Variants in MAD1L1 observed in about 807,000 individuals in gnomAD.
MAD1L1 encodes mitotic spindle assembly checkpoint protein MAD1.
MAD1L1 carries 95 observed loss-of-function variants against 96.9 expected under a neutral mutation model. The ratio of observed to expected loss-of-function variants is 0.98; its 90% CI spans 0.83 to 1.16. The LOEUF is 1.16. Ranked by LOEUF, MAD1L1 falls within the 50% of genes most tolerant of loss-of-function variation. The pLI, the probability that MAD1L1 is intolerant of heterozygous loss-of-function variation, is 0.00. For synonymous variants in MAD1L1, 473 were observed against 396.6 expected (o/e 1.19, Z -2.29); for missense variants, 1,007 against 954.4 (o/e 1.06, Z -0.73).
At chr7:2,020,589 G>T (rs1042932770) in intron 12 of MAD1L1, among the ~76,000 whole-genome samples, 2 of 152,180 alleles carry the variant, frequency 1.3e-5, no homozygotes, top group Admixed American at 1.3e-4. Context: ...TCTCTCACCT[G>T]CCCGGGCTGC....
intron 16 of MAD1L1, among the ~76,000 whole-genome samples, chr7:1,947,327 A>G (rs1583882888): frequency 6.6e-6 from 1 of 152,220 alleles, no homozygotes; most frequent in Non-Finnish European, 1.5e-5. Flanking sequence ...CCTGACGCGC[A>G]TGCCGAGAGC....
In MAD1L1 at chr7:2,069,203, C is replaced by A; in HGVS notation, c.1209G>T (p.Leu403=). 6.3e-7 allele frequency: 1 copy of A among 1,597,298 alleles called. No homozygotes were observed. The highest frequency in any genetic ancestry group is 1.1e-5 in the South Asian group (1 of 88,242). Residue 403 remains leucine (L), a synonymous_variant, in exon 12 of 19, where the codon CTG becomes CTT. Transcript: ENST00000265854. ...LARRLQKRVL[L]LTKERDGMRA... ...TAAGGGCATACATCACCTTGGTGAG[C>A]AGCAGGACCCGTTTCTGGAGCCTCC...
In MAD1L1 at chr7:2,119,157, C is replaced by A. The variant is rs1194419249; in HGVS notation, c.1073+29995G>T. Among the ~76,000 whole-genome samples the A allele has an allele frequency of 6.6e-6, 1 of 152,098 alleles. No homozygotes were observed. Among genetic ancestry groups the A allele is most frequent in the Non-Finnish European group, 1.5e-5 (1 of 68,012 alleles). On this transcript the variant is annotated intron_variant, in intron 11 of 18. Transcript: ENST00000265854. This position sits in a 1 kb window ranked among gnomAD's most constrained non-coding sequence, Gnocchi z 4.6. ...TTTCCACAAAGCAAGAAGGTTCAGG[C>A]CAGGCAGCCTGGACTCCTGCTGTGT...
intron 18 of MAD1L1, among the ~76,000 whole-genome samples, chr7:1,885,945 G>T (rs1249825551): frequency 1.3e-5 from 2 of 152,254 alleles, no homozygotes; most frequent in Non-Finnish European, 2.9e-5. Flanking sequence ...CACACGCCTG[G>T]CTTCCCATTC....
At chr7:2,197,725 G>A (rs1037967397) in intron 10 of MAD1L1, among the ~76,000 whole-genome samples, 36 of 152,140 alleles carry the variant, frequency 2.4e-4, no homozygotes, top group African/African-American at 8.2e-4. Flanking sequence ...GCTCATCCCT[G>A]CCCCTCACTG....
At chr7:1,885,354 T>G (rs927489924) in intron 18 of MAD1L1, among the ~76,000 whole-genome samples, 2 of 152,190 alleles carry the variant, frequency 1.3e-5, no homozygotes, top group African/African-American at 4.8e-5. Flanking sequence ...AAAAACCCTG[T>G]GTCCCAGCTC....
rs1240394869 is a variant in MAD1L1 at position 2,221,110 on chromosome 7, A to G, written c.471+1465T>C. On this transcript the variant is annotated intron_variant, in intron 5 of 18. Coordinates refer to ENST00000265854, the MANE Select transcript of MAD1L1 (RefSeq NM_001013836.2). ...CCTCGGCTTAGACATGACAGGCCAA[A>G]GCAGCAGCACCTGCAGCGCCACCAT... is the stretch of plus-strand genomic sequence containing the variant. 3.0e-6 allele frequency: 4 copies of G among 1,321,378 alleles called. No homozygotes were observed. The East Asian group carries it at 9.5e-5, about 31-fold the overall frequency. 81.9% of individuals were successfully genotyped at this position (1,321,378 alleles called of 1,614,324 possible). A position where few individuals can be genotyped will look rare whatever the true frequency, so the allele number is the denominator to read the frequency against.
chr7:1,863,855 G>A (rs1003133452), intron 18 of MAD1L1, among the ~76,000 whole-genome samples: 7 of 152,218 alleles, frequency 4.6e-5, no homozygotes, highest in African/African-American at 1.2e-4. Flanking sequence ...CTGGCAGGCC[G>A]AGCCAGGTGG....
At chr7:2,024,251 A>T (rs1235829864) in intron 12 of MAD1L1, among the ~76,000 whole-genome samples, 1 of 152,224 alleles carries the variant, frequency 6.6e-6, no homozygotes, top group Non-Finnish European at 1.5e-5. Context: ...TTGATAACTT[A>T]GATGAAATGG....
intron 17 of MAD1L1, among the ~76,000 whole-genome samples, chr7:1,907,777 A>G (rs1291486997): frequency 6.6e-6 from 1 of 152,260 alleles, no homozygotes; most frequent in Non-Finnish European, 1.5e-5. Flanking sequence ...TGTGTCGTCA[A>G]CAACCACTTG....
chr7:1,979,810 C>G (rs182998067), intron 15 of MAD1L1, among the ~76,000 whole-genome samples: 2 of 152,198 alleles, frequency 1.3e-5, no homozygotes, highest in African/African-American at 4.8e-5. Flanking sequence ...GCAGCCATCT[C>G]GGCACAGCAC....
intron 11 of MAD1L1, among the ~76,000 whole-genome samples, chr7:2,111,172 C>T (rs1383809470): frequency 1.3e-5 from 2 of 152,182 alleles, no homozygotes; most frequent in Non-Finnish European, 2.9e-5. Flanking sequence ...ACACACCGAG[C>T]GTCCACTGTG....
intron 10 of MAD1L1, among the ~76,000 whole-genome samples, chr7:2,165,623 C>CTG (rs59181779): frequency 0.28 from 42,821 of 151,732 alleles, 6,977 homozygotes; most frequent in African/African-American, 0.44. Context: ...CCGTGTTTCA[C>CTG]TAAACCAAGG....
chr7:1,830,160 G>T (rs1782634168), intron 18 of MAD1L1, among the ~76,000 whole-genome samples: 2 of 152,236 alleles, frequency 1.3e-5, no homozygotes, highest in South Asian at 4.1e-4. Context: ...ACTGTGGGAG[G>T]CCGAGGTGGG....
intron 11 of MAD1L1, among the ~76,000 whole-genome samples, chr7:2,098,255 G>C (rs1425007001): frequency 6.6e-6 from 1 of 152,194 alleles, no homozygotes; most frequent in Non-Finnish European, 1.5e-5. Context: ...CGTAGCACCA[G>C]AGCGCCAGTC....
intron 10 of MAD1L1, among the ~76,000 whole-genome samples, chr7:2,166,688 C>T (rs760739678): frequency 4.6e-5 from 7 of 152,236 alleles, no homozygotes; most frequent in South Asian, 4.1e-4. Flanking sequence ...GGCCCGCTTC[C>T]GGGAGGCGTG....
intron 5 of MAD1L1, among the ~76,000 whole-genome samples, chr7:2,221,267 G>A (rs574154545): frequency 3.9e-5 from 6 of 152,258 alleles, no homozygotes; most frequent in Admixed American, 2.0e-4. Context: ...CGCAGGCAGC[G>A]GGGACAGCCC....
intron 1 of MAD1L1, among the ~76,000 whole-genome samples, chr7:2,231,564 G>A (rs931457581): frequency 3.3e-5 from 5 of 151,520 alleles, no homozygotes; most frequent in African/African-American, 4.9e-5. Context: ...CTGAGATCGC[G>A]CCACTGCATT....
intron 16 of MAD1L1, among the ~76,000 whole-genome samples, chr7:1,948,960 A>C (rs947373891): frequency 6.6e-6 from 1 of 152,194 alleles, no homozygotes; most frequent in Non-Finnish European, 1.5e-5. Flanking sequence ...CACTCGTACA[A>C]CACAGGAGGG....
Sources: gnomAD v4.1 joint callset for allele counts (sites outside exome capture counted in the v4.1 genomes callset) on GRCh38, gnomAD v4.1.1 for gene constraint, Gnocchi (gnomAD v3.1) non-coding constraint, MANE v1.5 for transcripts, NCBI Gene and HGNC (gene_info 2026-07-23, HGNC 2026-07-21) for gene names.